SMPD2: variants seen among roughly 807,000 people sequenced by gnomAD.
SMPD2 encodes sphingomyelin phosphodiesterase 2, also known as N-SMase.
A neutral mutation model predicts 41.7 loss-of-function variants in SMPD2; 35 were observed. The ratio of observed to expected loss-of-function variants is 0.84; its 90% CI spans 0.64 to 1.11. The LOEUF (loss-of-function observed/expected upper bound fraction) is 1.11. Ranked by LOEUF, SMPD2 falls within the 50% of genes most tolerant of loss-of-function variation. SMPD2 has a pLI of 0.00. For synonymous variants in SMPD2, 201 were observed against 208.2 expected (o/e 0.97, Z 0.30); for missense variants, 520 against 524.8 (o/e 0.99, Z 0.09).
chr6:109,443,671 TGGA>T lies in SMPD2; in HGVS notation c.1044_1046del (p.Gly349del), dbSNP rs142982624. 8.1e-3 allele frequency: 13,110 copies of T among 1,613,942 alleles called. 874 individuals are homozygous for T. The African/African-American group carries it at 0.15, about 18-fold the overall frequency. On this transcript the variant is annotated inframe_deletion, in exon 10 of 10. Transcript: ENST00000258052. Reference sequence around the variant, plus strand: ...TGGCACTGCTGTGTGTCCTGGCGGCTGGAGGAGGGGCCGGGGAAGCTGCCATAC... The same window carrying T: ...TGGCACTGCTGTGTGTCCTGGCGGCTGGAGGGGCCGGGGAAGCTGCCATAC...
Position 109,441,023 on chromosome 6 carries a change from G to A in SMPD2, c.-99G>A, listed in dbSNP as rs1014076489. ...ACCTGTGCGCGCCGCCTGCGAAGAA[G>A]GAACGGTCTGGGGAGAAGGCGCCGC... On this transcript the variant is annotated 5_prime_UTR_variant, in exon 1 of 10. Coordinates refer to ENST00000258052, the MANE Select transcript of SMPD2 (RefSeq NM_003080.3). 2.4e-6 allele frequency: 3 copies of A among 1,250,504 alleles called. No individual in the cohort carries two copies. Among genetic ancestry groups the A allele is most frequent in the Admixed American group, 2.0e-5 (1 of 50,390 alleles). 77.5% of individuals were successfully genotyped at this position (1,250,504 alleles called of 1,614,324 possible). A position where few individuals can be genotyped will look rare whatever the true frequency, so the allele number is the denominator to read the frequency against.
Position 109,440,753 on chromosome 6 carries a change from C to G in SMPD2, c.-369C>G. ...AACTTTGCGCCTGTTGCTGGGCCGC[C>G]GGCGCGCGGGCGGCCGCGACCGCCG... On this transcript the variant is annotated 5_prime_UTR_variant, in exon 1 of 10. Coordinates refer to ENST00000258052, the MANE Select transcript of SMPD2 (RefSeq NM_003080.3). The G allele has an allele frequency of 1.3e-5, 3 of 237,354 alleles. No homozygotes were observed. The highest frequency in any genetic ancestry group is 2.1e-5 in the Non-Finnish European group (3 of 139,824). 14.7% of individuals were successfully genotyped at this position (237,354 alleles called of 1,614,324 possible).
rs1024699332 is a variant in SMPD2 at position 109,440,960 on chromosome 6, G to C, written c.-162G>C. ...CCGGCCGGTTGCCGGGGGAACGCGG[G>C]AGTCGGGCCCGACCTGAGCCACGCG... On this transcript the variant is annotated 5_prime_UTR_variant, in exon 1 of 10. Transcript: ENST00000258052. 6.2e-6 allele frequency: 4 copies of C among 648,026 alleles called. No homozygotes were observed. Among genetic ancestry groups the C allele is most frequent in the African/African-American group, 1.9e-5 (1 of 51,956 alleles). The allele number at this position is 648,026 out of a possible 1,614,324, so 40.1% of individuals were successfully genotyped here.
At position 109,443,377 on chromosome 6, in the gene SMPD2, T is replaced by G. The variant is rs1775039686; in HGVS notation, c.840T>G (p.Phe280Leu). The change falls in exon 9 of 10, where the codon TTT (phenylalanine) becomes TTG (leucine). Residue 280 changes from phenylalanine to leucine, a missense_variant. Coordinates refer to ENST00000258052, the MANE Select transcript of SMPD2 (RefSeq NM_003080.3). The stretch of plus-strand genomic sequence containing the variant: ...ATGAAGCCCTGATGGCTACTCTGTT[T>G]GTGAGGCACAGCCCCCCACAGCAGA... ...SDHEALMATL[F>L]VRHSPPQQNP... 2.5e-6 allele frequency: 4 copies of G among 1,613,970 alleles called. No homozygotes were observed. In the South Asian group the frequency reaches 4.4e-5, roughly 18 times the overall value.
rs1178861703 is a variant in SMPD2 at position 109,440,812 on chromosome 6, G to A, written c.-310G>A. On this transcript the variant is annotated 5_prime_UTR_variant, in exon 1 of 10. Transcript: ENST00000258052. ...CTTGGAGGAAAAGGAACCGGGAGCC[G>A]CCCACCCGGGGGCGCTCTCCGGACC... The A allele has an allele frequency of 2.7e-6, 1 of 368,954 alleles. No homozygotes were observed. 22.9% of individuals were successfully genotyped at this position (368,954 alleles called of 1,614,324 possible).
In SMPD2 at chr6:109,442,618, T is replaced by G. The variant is rs1774974873; in HGVS notation, c.484T>G (p.Phe162Val). Reference sequence around the variant, plus strand: ...GGCCCAAGCTTGGGAATTGGCCCAGTTCATCCAGTGTGTGAGCCTGGGCTT... The same window carrying G: ...GGCCCAAGCTTGGGAATTGGCCCAGGTCATCCAGTGTGTGAGCCTGGGCTT... ...RVAQAWELAQ[F>V]IHHTSKKADV... is the part of the protein sequence containing the mutation. The change falls in exon 6 of 10, where the codon TTC (phenylalanine) becomes GTC (valine). Residue 162 changes from phenylalanine to valine, a missense_variant. Phe to Val is a conservative substitution (Grantham distance 50). Coordinates refer to ENST00000258052, the MANE Select transcript of SMPD2 (RefSeq NM_003080.3). 6.2e-7 allele frequency: 1 copy of G among 1,614,170 alleles called. No homozygotes were observed. Among genetic ancestry groups the G allele is most frequent in the Non-Finnish European group, 8.5e-7 (1 of 1,180,028 alleles).
rs763758360 is a variant in SMPD2 at position 109,443,388 on chromosome 6, G to GC, written c.857dup (p.Gln287ThrfsTer42). 21 of 1,613,904 alleles carry GC rather than the reference G, an allele frequency of 1.3e-5. No individual in the cohort carries two copies. The highest frequency in any genetic ancestry group is 1.6e-4 in the Middle Eastern group (1 of 6,084). The stretch of plus-strand genomic sequence containing the variant: ...ATGGCTACTCTGTTTGTGAGGCACA[G>GC]CCCCCCACAGCAGAACCCCAGCTCT... On this transcript the variant is annotated frameshift_variant, in exon 9 of 10. Transcript: ENST00000258052. LOFTEE classifies it low-confidence loss of function (END_TRUNC).
At chr6:109,442,485 C>G in intron 5 of SMPD2, 58 bp from the exon 6 acceptor site, 1 of 1,498,884 alleles carries the variant, frequency 6.7e-7, no homozygotes, top group Admixed American at 1.7e-5. Context: ...AGGCTTGATT[C>G]AGACATACCC....
Position 109,443,407 on chromosome 6 carries a change from C to T in SMPD2, c.870C>T (p.Pro290=). 1 of 1,614,062 alleles carries T rather than the reference C, an allele frequency of 6.2e-7. No individual in the cohort carries two copies. The highest frequency in any genetic ancestry group is 1.7e-5 in the Admixed American group (1 of 60,026). The change falls in exon 9 of 10, where the codon CCC becomes CCT. Residue 290 remains proline, a synonymous_variant. Transcript: ENST00000258052. ...FVRHSPPQQN[P]SSTHGPAERS... ...GGCACAGCCCCCCACAGCAGAACCC[C>T]AGCTCTACCCACGGTGAGTCACCCC...
At position 109,441,055 on chromosome 6, in the gene SMPD2, C is replaced by A; in HGVS notation, c.-67C>A. The A allele has an allele frequency of 6.5e-7, 1 of 1,548,158 alleles. No homozygotes were observed. The highest frequency in any genetic ancestry group is 1.1e-5 in the South Asian group (1 of 89,496). On this transcript the variant is annotated 5_prime_UTR_variant, in exon 1 of 10. Transcript: ENST00000258052. ...TCTGGGGAGAAGGCGCCGCCGGCCG[C>A]CCCCGTCCCCACCGCGGCCGTCGCT... is the stretch of plus-strand genomic sequence containing the variant.
chr6:109,442,393 G>T lies in SMPD2; in HGVS notation c.408+94G>T, dbSNP rs943191531. On this transcript the variant is annotated intron_variant, in intron 5 of 9. Transcript: ENST00000258052. ...CTCTAGCTCTCATACCTGGGGATGA[G>T]GTGTGGGGGCAAGATCTTATAAGGA... 14 of 1,399,028 alleles carry T rather than the reference G, an allele frequency of 1.0e-5. No homozygotes were observed. In the Admixed American group the frequency reaches 1.2e-4, roughly 12 times the overall value. 86.7% of individuals were successfully genotyped at this position (1,399,028 alleles called of 1,614,324 possible).
chr6:109,441,642 T>C lies in SMPD2; in HGVS notation c.224+14T>C, dbSNP rs1421021269. ...CCACTTCCGGAGGTGAGAAGCCCAC[T>C]GGCCTGAAGCCTGTTGTCATCCCAG... On this transcript the variant is annotated intron_variant, in intron 3 of 9. Coordinates refer to ENST00000258052, the MANE Select transcript of SMPD2 (RefSeq NM_003080.3). The C allele has an allele frequency of 6.2e-7, 1 of 1,613,136 alleles. No individual in the cohort carries two copies.
At position 109,441,060 on chromosome 6, in the gene SMPD2, G is replaced by A; in HGVS notation, c.-62G>A. ...GGAGAAGGCGCCGCCGGCCGCCCCC[G>A]TCCCCACCGCGGCCGTCGCTGGAGA... On this transcript the variant is annotated 5_prime_UTR_variant, in exon 1 of 10. Transcript: ENST00000258052. The A allele has an allele frequency of 6.4e-7, 1 of 1,569,716 alleles. No individual in the cohort carries two copies. The highest frequency in any genetic ancestry group is 1.7e-5 in the Admixed American group (1 of 59,410).
rs369526207 is a variant in SMPD2, at chr6:109,443,546, G to A, written c.913G>A (p.Val305Met). ...GPAERSPLMC[V>M]LKEAWTELGL... ...AGCAGAGAGGTCGCCGTTGATGTGT[G>A]TGCTAAAGGAGGCCTGGACGGAGCT... is the stretch of plus-strand genomic sequence containing the variant. The change falls in exon 10 of 10, where the codon GTG becomes ATG. Residue 305 changes from valine (V) to methionine (M), a missense_variant. Coordinates refer to ENST00000258052, the MANE Select transcript of SMPD2 (RefSeq NM_003080.3). 6.2e-7 allele frequency: 1 copy of A among 1,613,374 alleles called. No individual in the cohort carries two copies. The highest frequency in any genetic ancestry group is 1.3e-5 in the African/African-American group (1 of 75,062).
chr6:109,441,047 GCCGGCCGCCCCCGTCCCCA>G lies in SMPD2; in HGVS notation c.-71_-53del. 1 of 1,501,614 alleles carries G rather than the reference GCCGGCCGCCCCCGTCCCCA, an allele frequency of 6.7e-7. No homozygotes were observed. 93.0% of individuals were successfully genotyped at this position (1,501,614 alleles called of 1,614,324 possible). ...AGGAACGGTCTGGGGAGAAGGCGCC[GCCGGCCGCCCCCGTCCCCA>G]CCGCGGCCGTCGCTGGAGAGTTCGA... On this transcript the variant is annotated 5_prime_UTR_variant, in exon 1 of 10. Coordinates refer to ENST00000258052, the MANE Select transcript of SMPD2 (RefSeq NM_003080.3).
At position 109,441,627 on chromosome 6, in the gene SMPD2, AG is replaced by A; in HGVS notation, c.224+1del. The stretch of plus-strand genomic sequence containing the variant: ...CTACCCAGCTGCACACCACTTCCGG[AG>A]GTGAGAAGCCCACTGGCCTGAAGCC... The part of the protein sequence containing the change: ...PTYPAAHHFR[S>X]GIIGSGLCVF... On this transcript the variant is annotated frameshift_variant and splice_region_variant, in exon 3 of 10. Coordinates refer to ENST00000258052, the MANE Select transcript of SMPD2 (RefSeq NM_003080.3). LOFTEE classifies it high-confidence loss of function. 1 of 1,614,002 alleles carries A rather than the reference AG, an allele frequency of 6.2e-7. No homozygotes were observed.
rs768919421 is a variant in SMPD2, at chr6:109,441,157, CA to C, written c.38del (p.Asn13ThrfsTer10). 3 of 1,614,066 alleles carry C rather than the reference CA, an allele frequency of 1.9e-6. No homozygotes were observed. The African/African-American group carries it at 4.0e-5, about 22-fold the overall frequency. ...PNFSLRLRIFNLNCWGIPYLS... is the reference protein window; with the variant it reads ...PNFSLRLRIFXLNCWGIPYLS... ...ACTTCTCCCTGCGACTGCGGATCTT[CA>C]ACCTCAACTGCTGGTGAGTGCGTCT... On this transcript the variant is annotated frameshift_variant, in exon 1 of 10. Transcript: ENST00000258052. LOFTEE classifies it high-confidence loss of function.
rs1774834205 is a variant in SMPD2 at position 109,440,902 on chromosome 6, T to C, written c.-220T>C. On this transcript the variant is annotated 5_prime_UTR_variant, in exon 1 of 10. Transcript: ENST00000258052. The stretch of plus-strand genomic sequence containing the variant: ...CCCGGATTTCGGCAGCGGATCGCCT[T>C]TCCGGGTTGGCGGCCCGCCTGATTG... 1 of 560,932 alleles carries C rather than the reference T, an allele frequency of 1.8e-6. No homozygotes were observed. The highest frequency in any genetic ancestry group is 2.0e-5 in the African/African-American group (1 of 49,380). 34.7% of individuals were successfully genotyped at this position (560,932 alleles called of 1,614,324 possible).
At position 109,443,823 on chromosome 6, in the gene SMPD2, G is replaced by T; in HGVS notation, c.1190G>T (p.Arg397Met). The change falls in exon 10 of 10, where the codon AGG (arginine) becomes ATG (methionine). Residue 397 changes from arginine (R) to methionine (M), a missense_variant. By Grantham distance (91) the Arg-to-Met change is moderately conservative (BLOSUM62 -1). Transcript: ENST00000258052. ...AELQHVLGRA[R>M]EAQDLGPEPQ... ...CTCCAGCATGTGCTAGGAAGGGCAA[G>T]GGAGGCCCAGGATCTGGGCCCAGAG... 1.2e-6 allele frequency: 2 copies of T among 1,614,022 alleles called. No individual in the cohort carries two copies. Among genetic ancestry groups the T allele is most frequent in the Admixed American group, 3.3e-5 (2 of 60,030 alleles).
Sources: allele counts gnomAD v4.1 joint callset, GRCh38; gene constraint gnomAD v4.1.1; transcripts MANE v1.5; gene names NCBI Gene and HGNC (gene_info 2026-07-23, HGNC 2026-07-21).